Variants in SND1 observed in about 807,000 individuals in gnomAD.
SND1 encodes staphylococcal nuclease and tudor domain containing 1.
SND1 carries 38 observed loss-of-function variants against 121.7 expected under a neutral mutation model. The ratio of observed to expected loss-of-function variants is 0.31; its 90% CI spans 0.24 to 0.41. The LOEUF is 0.41. Ranked by LOEUF, SND1 falls within the 10% of genes least tolerant of loss-of-function variation. SND1 has a pLI of 1.00. For synonymous variants in SND1, 401 were observed against 447.4 expected, an observed-to-expected ratio of 0.90 and a Z score of 1.31; for missense variants, 868 against 1,184.6, an observed-to-expected ratio of 0.73 and a Z score of 3.92.
chr7:128,030,581 C>T (rs1452081956), intron 16 of SND1: 3 of 1,604,836 alleles, frequency 1.9e-6, no homozygotes, highest in Admixed American at 1.7e-5. Context: ...GGTAGACGAA[C>T]GGGAGCAGGA....
intron 15 of SND1, among the ~76,000 whole-genome samples, chr7:127,985,410 A>G (rs1802364427): frequency 6.6e-6 from 1 of 152,122 alleles, no homozygotes; most frequent in Non-Finnish European, 1.5e-5. Flanking sequence ...GGCGCACACC[A>G]CCACACCCTG....
intron 10 of SND1, among the ~76,000 whole-genome samples, chr7:127,806,168 C>T (rs1239226796): frequency 6.6e-6 from 1 of 152,170 alleles, no homozygotes; most frequent in Non-Finnish European, 1.5e-5. Context: ...TAGTCAGGAT[C>T]TCTTATTTCT....
intron 10 of SND1, among the ~76,000 whole-genome samples, chr7:127,767,560 A>C (rs1797444089): frequency 6.6e-6 from 1 of 152,212 alleles, no homozygotes; most frequent in Admixed American, 6.5e-5. Flanking sequence ...ATTGGTATGA[A>C]TGTTCAGCTA....
intron 9 of SND1, among the ~76,000 whole-genome samples, chr7:127,713,054 A>C (rs967523189): frequency 4.6e-5 from 7 of 152,246 alleles, no homozygotes; most frequent in East Asian, 1.9e-4. Flanking sequence ...TTCATTTTCT[A>C]ATATGTTGTA....
intron 15 of SND1, among the ~76,000 whole-genome samples, chr7:127,979,849 T>C (rs1165212464): frequency 6.6e-6 from 1 of 152,222 alleles, no homozygotes. Context: ...TAAAAATCAT[T>C]CTTAGCTCAT....
chr7:127,808,843 G>A (rs943719882), intron 11 of SND1, among the ~76,000 whole-genome samples: 4 of 152,056 alleles, frequency 2.6e-5, no homozygotes, highest in South Asian at 4.1e-4. Flanking sequence ...ATATCATTTC[G>A]CTCATTTACT....
chr7:128,037,364 T>C (rs1792769348), intron 16 of SND1, among the ~76,000 whole-genome samples: 1 of 152,200 alleles, frequency 6.6e-6, no homozygotes, highest in Non-Finnish European at 1.5e-5. Flanking sequence ...TTGTGACTTA[T>C]AAGGACACCT....
intron 10 of SND1, among the ~76,000 whole-genome samples, chr7:127,730,351 T>C (rs1344286555): frequency 6.6e-6 from 1 of 152,266 alleles, no homozygotes; most frequent in Non-Finnish European, 1.5e-5. Context: ...TAGTAGTGTA[T>C]TGGTGGCCAC....
intron 16 of SND1, among the ~76,000 whole-genome samples, chr7:128,032,830 G>A (rs1183562304): frequency 1.3e-5 from 2 of 152,168 alleles, no homozygotes; most frequent in Non-Finnish European, 2.9e-5. Flanking sequence ...TGCTCTCACT[G>A]GGGCTTTAAA....
chr7:128,035,000 A>C (rs758030898), intron 16 of SND1, among the ~76,000 whole-genome samples: 8 of 152,230 alleles, frequency 5.3e-5, no homozygotes, highest in Admixed American at 3.9e-4. Context: ...AGGAAGAGAC[A>C]GTGGATTCAG....
chr7:127,784,429 A>G (rs1439487575), intron 10 of SND1, among the ~76,000 whole-genome samples: 1 of 152,136 alleles, frequency 6.6e-6, no homozygotes, highest in Admixed American at 6.5e-5. Flanking sequence ...CCCTCTGGAA[A>G]ACTCTAAGTC....
At chr7:127,878,370 A>G (rs1799728981) in intron 12 of SND1, among the ~76,000 whole-genome samples, 1 of 152,200 alleles carries the variant, frequency 6.6e-6, no homozygotes, top group Non-Finnish European at 1.5e-5. Flanking sequence ...ATTTGCTCTA[A>G]GTTCCATACC....
chr7:127,721,779 T>C (rs1796500370), intron 10 of SND1, among the ~76,000 whole-genome samples: 1 of 152,226 alleles, frequency 6.6e-6, no homozygotes, highest in African/African-American at 2.4e-5. Flanking sequence ...CCGTTTCTGC[T>C]GGTCATTTTG....
intron 14 of SND1, among the ~76,000 whole-genome samples, chr7:127,917,702 T>C (rs1006931734): frequency 6.6e-6 from 1 of 152,084 alleles, no homozygotes; most frequent in Non-Finnish European, 1.5e-5. Context: ...GGAACACAGG[T>C]GTGAGCCACT....
intron 13 of SND1, among the ~76,000 whole-genome samples, chr7:127,897,878 A>T (rs1056864258): frequency 6.6e-6 from 1 of 151,868 alleles, no homozygotes; most frequent in Non-Finnish European, 1.5e-5. Context: ...GTTTCCTGAA[A>T]TTTTTTTCTG....
chr7:127,840,313 C>T (rs1486401585), intron 11 of SND1, among the ~76,000 whole-genome samples: 2 of 152,156 alleles, frequency 1.3e-5, no homozygotes, highest in Non-Finnish European at 2.9e-5. Flanking sequence ...TCAAGGGAAA[C>T]TGAGACCCAA....
At chr7:127,794,822 C>T (rs2116549657) in intron 10 of SND1, among the ~76,000 whole-genome samples, 1 of 152,286 alleles carries the variant, frequency 6.6e-6, no homozygotes, top group Non-Finnish European at 1.5e-5. Context: ...AAGATTTCTC[C>T]ATTACTAGAA....
chr7:128,021,331 A>G (rs1803344731), intron 16 of SND1, among the ~76,000 whole-genome samples: 1 of 152,184 alleles, frequency 6.6e-6, no homozygotes, highest in South Asian at 2.1e-4. Flanking sequence ...TGAGGGATGC[A>G]CTCAGCATTC....
intron 14 of SND1, among the ~76,000 whole-genome samples, chr7:127,919,655 T>C (rs1027222798): frequency 6.6e-6 from 1 of 152,236 alleles, no homozygotes; most frequent in African/African-American, 2.4e-5. Flanking sequence ...AGCTATGTTT[T>C]TAGCCCGGTC....
Sources: gnomAD v4.1 joint callset for allele counts (sites outside exome capture counted in the v4.1 genomes callset) on GRCh38, gnomAD v4.1.1 for gene constraint, MANE v1.5 for transcripts, NCBI Gene and HGNC (gene_info 2026-07-23, HGNC 2026-07-21) for gene names.